The following KIF6 variants were observed in gnomAD, a reference collection of about 807,000 sequenced individuals.
KIF6 encodes the protein kinesin family member 6.
Under a neutral mutation model 112.7 loss-of-function variants are expected in KIF6, and 106 were observed. The ratio of observed to expected loss-of-function variants is 0.94; its 90% CI spans 0.80 to 1.11. The LOEUF (loss-of-function observed/expected upper bound fraction) is 1.11, where lower values mean the gene tolerates loss of function less well. KIF6 is among the 50% of genes least tolerant of loss of function. KIF6 has a pLI of 0.00. For synonymous variants in KIF6, 339 were observed against 339.9 expected (o/e 1.00, Z 0.03); for missense variants, 929 against 964.0 (o/e 0.96, Z 0.48).
chr6:39,644,702 T>G (rs1342014387), intron 3 of KIF6, among the ~76,000 whole-genome samples: 2 of 152,160 alleles, frequency 1.3e-5, no homozygotes, highest in Non-Finnish European at 2.9e-5. Flanking sequence ...GTACAGAGCT[T>G]CTTTTTGGCG....
chr6:39,453,278 G>A lies in KIF6; in HGVS notation c.1646-22117C>T, dbSNP rs61709167. ...AGACAAATTTTATTCTCCGATGTCT[G>A]GGGTGTATTAACACTGCCCAGGACC... On this transcript the variant is annotated intron_variant, in intron 13 of 22. Transcript: ENST00000287152. Among the ~76,000 whole-genome samples, 1,516 of 152,296 alleles carry A rather than the reference G, an allele frequency of 1.0e-2. 28 individuals are homozygous for A. The highest frequency in any genetic ancestry group is 0.035 in the African/African-American group (1,442 of 41,564).
At chr6:39,641,722 TGATATA>T (rs528265401) in intron 3 of KIF6, among the ~76,000 whole-genome samples, 71 of 152,230 alleles carry the variant, frequency 4.7e-4, no homozygotes, top group Middle Eastern at 3.4e-3. Context: ...ATTTTCATTT[TGATATA>T]GATATAGACT....
intron 13 of KIF6, among the ~76,000 whole-genome samples, chr6:39,470,158 G>A (rs1774031265): frequency 6.6e-6 from 1 of 152,180 alleles, no homozygotes; most frequent in South Asian, 2.1e-4. Flanking sequence ...ATAGAGCAGA[G>A]AATAGGGGAG....
intron 10 of KIF6, among the ~76,000 whole-genome samples, chr6:39,558,978 C>G (rs1408886706): frequency 6.6e-6 from 1 of 151,970 alleles, no homozygotes; most frequent in East Asian, 1.9e-4. Context: ...CATAAACTAC[C>G]CAAGGATAAT....
chr6:39,413,308 G>A (rs1222986633), intron 15 of KIF6, among the ~76,000 whole-genome samples: 1 of 152,042 alleles, frequency 6.6e-6, no homozygotes, highest in Non-Finnish European at 1.5e-5. Flanking sequence ...TCCTATTTCA[G>A]GCCATAGATA....
At chr6:39,477,134 T>C (rs919712578) in intron 13 of KIF6, among the ~76,000 whole-genome samples, 1 of 152,110 alleles carries the variant, frequency 6.6e-6, no homozygotes, top group Admixed American at 6.5e-5. Context: ...TCACTCATAA[T>C]ATGAGAAAAG....
chr6:39,420,084 C>G (rs1770243563), intron 14 of KIF6, 81 bp from the exon 15 acceptor site: 1 of 927,392 alleles, frequency 1.1e-6, no homozygotes, highest in South Asian at 1.5e-5. Flanking sequence ...TCTTAGAGGT[C>G]ACTAAAATAT....
chr6:39,380,809 T>A (rs1220476068), intron 16 of KIF6, among the ~76,000 whole-genome samples: 1 of 152,246 alleles, frequency 6.6e-6, no homozygotes, highest in African/African-American at 2.4e-5. Flanking sequence ...ATACAGTGGA[T>A]ACAGATCACT....
At chr6:39,570,558 T>C (rs934205676) in intron 10 of KIF6, among the ~76,000 whole-genome samples, 1 of 152,150 alleles carries the variant, frequency 6.6e-6, no homozygotes, top group Non-Finnish European at 1.5e-5. Context: ...TTGATAGAGT[T>C]TGGCTGTGTC....
intron 10 of KIF6, chr6:39,554,064 A>C (rs906218660): frequency 1.3e-5 from 2 of 156,352 alleles, no homozygotes; most frequent in African/African-American, 4.8e-5. Flanking sequence ...GTGGAAAGGC[A>C]TGGGGCCTGG....
At chr6:39,549,583 G>T (rs1359051044) in intron 10 of KIF6, among the ~76,000 whole-genome samples, 1 of 152,204 alleles carries the variant, frequency 6.6e-6, no homozygotes, top group East Asian at 1.9e-4. Context: ...CATATTGGGT[G>T]ATGTATTTCT....
chr6:39,599,146 C>T (rs775843266), intron 6 of KIF6, among the ~76,000 whole-genome samples: 4 of 152,146 alleles, frequency 2.6e-5, no homozygotes, highest in Non-Finnish European at 4.4e-5. Flanking sequence ...TTGTGTTTTA[C>T]ATTTTTTGGA....
At chr6:39,597,527 A>T (rs974432957) in intron 6 of KIF6, among the ~76,000 whole-genome samples, 1 of 152,198 alleles carries the variant, frequency 6.6e-6, no homozygotes, top group African/African-American at 2.4e-5. Context: ...GAAAGGATGC[A>T]CTGATTTAGT....
chr6:39,710,924 C>A (rs1011669592), intron 3 of KIF6, among the ~76,000 whole-genome samples: 1 of 151,676 alleles, frequency 6.6e-6, no homozygotes, highest in African/African-American at 2.4e-5. Context: ...ACTCGGGAGG[C>A]CTTGAGGCAG....
chr6:39,388,966 C>G (rs1308836097), intron 15 of KIF6, among the ~76,000 whole-genome samples: 1 of 152,186 alleles, frequency 6.6e-6, no homozygotes, highest in Non-Finnish European at 1.5e-5. Context: ...TAATTTACCA[C>G]AGTACATGCT....
intron 13 of KIF6, among the ~76,000 whole-genome samples, chr6:39,507,044 C>T (rs554906643): frequency 6.6e-6 from 1 of 152,130 alleles, no homozygotes; most frequent in Non-Finnish European, 1.5e-5. Flanking sequence ...TTCTTGAGTT[C>T]TGTGAGCCAT....
chr6:39,718,852 A>C (rs1582524624), intron 2 of KIF6, among the ~76,000 whole-genome samples: 1 of 152,304 alleles, frequency 6.6e-6, no homozygotes, highest in East Asian at 1.9e-4. Context: ...GGACCGCCCC[A>C]CTAGGCAACA....
intron 9 of KIF6, chr6:39,583,230 T>G (rs1781392987): frequency 4.0e-6 from 1 of 248,082 alleles, no homozygotes; most frequent in East Asian, 9.0e-5. Flanking sequence ...GTCTTGGGGC[T>G]AATAACTTTG....
At chr6:39,391,765 T>C (rs1020277496) in intron 15 of KIF6, among the ~76,000 whole-genome samples, 2 of 152,200 alleles carry the variant, frequency 1.3e-5, no homozygotes, top group Non-Finnish European at 2.9e-5. Flanking sequence ...CAGATGAAAG[T>C]AATTTTCTGG....
Sources: allele counts gnomAD v4.1 joint callset (sites outside exome capture counted in the v4.1 genomes callset), GRCh38; gene constraint gnomAD v4.1.1; transcripts MANE v1.5; gene names NCBI Gene and HGNC (gene_info 2026-07-23, HGNC 2026-07-21).